Variants in ERBB4 observed in about 807,000 individuals in gnomAD.
ERBB4 encodes receptor tyrosine-protein kinase erbB-4.
In ERBB4, 42 loss-of-function variants were observed where a neutral mutation model predicts 158.0. The ratio of observed to expected loss-of-function variants is 0.27; its 90% CI spans 0.21 to 0.34. ERBB4 has a LOEUF of 0.34. ERBB4 is among the 10% of genes least tolerant of loss of function. The pLI is 1.00. For missense variants in ERBB4, 1,333 were observed against 1,624.1 expected (o/e 0.82, Z 3.08); for synonymous variants, 583 against 558.7 (o/e 1.04, Z -0.61).
At chr2:211,529,503 G>C (rs557406433) in intron 20 of ERBB4, among the ~76,000 whole-genome samples, 70 of 152,138 alleles carry the variant, frequency 4.6e-4, no homozygotes, top group South Asian at 2.1e-3. Flanking sequence ...CATTCTATGA[G>C]GCTAGTATTA....
chr2:212,438,966 A>G (rs2092195018), intron 1 of ERBB4, among the ~76,000 whole-genome samples: 1 of 152,272 alleles, frequency 6.6e-6, no homozygotes, highest in Admixed American at 6.6e-5. Flanking sequence ...AGCATACCAA[A>G]CCAGTGAGAC....
At chr2:212,218,571 AG>A (rs770993644) in intron 1 of ERBB4, among the ~76,000 whole-genome samples, 302 of 151,476 alleles carry the variant, frequency 2.0e-3, no homozygotes, top group Middle Eastern at 6.8e-3. Context: ...GTGAACCTGG[AG>A]CTAGTCAACC....
intron 2 of ERBB4, among the ~76,000 whole-genome samples, chr2:212,054,386 A>G (rs895086902): frequency 9.2e-5 from 14 of 152,204 alleles, no homozygotes; most frequent in African/African-American, 3.4e-4. Context: ...GACCATTTTA[A>G]GTTCTGTTTC....
intron 1 of ERBB4, among the ~76,000 whole-genome samples, chr2:212,425,392 AT>A (rs2091889475): frequency 6.8e-6 from 1 of 146,486 alleles, no homozygotes; most frequent in Non-Finnish European, 1.5e-5. Flanking sequence ...ACATATATGT[AT>A]ATGTATACAT....
intron 4 of ERBB4, among the ~76,000 whole-genome samples, chr2:211,763,101 C>A (rs940234639): frequency 6.6e-6 from 1 of 151,954 alleles, no homozygotes; most frequent in African/African-American, 2.4e-5. Context: ...TGGTCTGGTG[C>A]ACTGAAAGTA....
At chr2:212,315,329 G>A (rs541545993) in intron 1 of ERBB4, among the ~76,000 whole-genome samples, 34 of 151,440 alleles carry the variant, frequency 2.2e-4, no homozygotes, top group African/African-American at 7.7e-4. Context: ...AAAGACTGCA[G>A]CAATTCAAAA....
At chr2:212,443,137 T>C (rs2092286806) in intron 1 of ERBB4, among the ~76,000 whole-genome samples, 1 of 152,244 alleles carries the variant, frequency 6.6e-6, no homozygotes, top group Non-Finnish European at 1.5e-5. Context: ...CAATTTTCTT[T>C]CAGCTGGCAA....
chr2:211,409,948 C>T (rs533092953), intron 25 of ERBB4, among the ~76,000 whole-genome samples: 9 of 152,136 alleles, frequency 5.9e-5, no homozygotes, highest in African/African-American at 1.9e-4. Context: ...GCATCCACCT[C>T]GTACTACAAC....
chr2:211,783,119 C>T (rs1374274444), intron 4 of ERBB4, among the ~76,000 whole-genome samples: 4 of 152,124 alleles, frequency 2.6e-5, no homozygotes, highest in Admixed American at 2.6e-4. Flanking sequence ...GTATTTTATT[C>T]TCTTTGAAGC....
chr2:211,927,464 A>G (rs1486945395), intron 3 of ERBB4, among the ~76,000 whole-genome samples: 2 of 152,196 alleles, frequency 1.3e-5, no homozygotes, highest in Non-Finnish European at 2.9e-5. Context: ...ACTACCACCA[A>G]AGCAATGAAA....
intron 3 of ERBB4, among the ~76,000 whole-genome samples, chr2:211,910,444 G>A (rs564133024): frequency 1.3e-5 from 2 of 149,916 alleles, no homozygotes; most frequent in East Asian, 4.0e-4. Flanking sequence ...AGGAGCTGGA[G>A]GCCATTATCC....
chr2:211,869,426 A>G (rs1348525399), intron 3 of ERBB4, among the ~76,000 whole-genome samples: 1 of 152,182 alleles, frequency 6.6e-6, no homozygotes, highest in African/African-American at 2.4e-5. Flanking sequence ...GATATTTCCA[A>G]CCTTCCCAGT....
At chr2:212,441,757 A>C (rs2092259219) in intron 1 of ERBB4, among the ~76,000 whole-genome samples, 1 of 152,186 alleles carries the variant, frequency 6.6e-6, no homozygotes, top group Non-Finnish European at 1.5e-5. Context: ...AAGGTGGCCC[A>C]CTGTGAGTGA....
intron 1 of ERBB4, among the ~76,000 whole-genome samples, chr2:212,358,521 C>T (rs1390738993): frequency 6.6e-6 from 1 of 151,702 alleles, no homozygotes; most frequent in African/African-American, 2.4e-5. Context: ...TTGATTAAAT[C>T]ATCTTAAATG....
chr2:212,519,808 T>C (rs1414332070), intron 1 of ERBB4, among the ~76,000 whole-genome samples: 1 of 151,944 alleles, frequency 6.6e-6, no homozygotes, highest in Non-Finnish European at 1.5e-5. Context: ...GGTTAAAGAA[T>C]ACAAAATTAT....
chr2:211,550,947 C>CT (rs966232237), intron 20 of ERBB4, among the ~76,000 whole-genome samples: 56 of 151,036 alleles, frequency 3.7e-4, no homozygotes, highest in African/African-American at 1.0e-3. Flanking sequence ...CCCCGACCAC[C>CT]TTTTTTGTTG....
At chr2:211,729,679 T>C (rs957159408) in intron 5 of ERBB4, among the ~76,000 whole-genome samples, 3 of 151,936 alleles carry the variant, frequency 2.0e-5, no homozygotes, top group Non-Finnish European at 2.9e-5. Flanking sequence ...ATTATACTCA[T>C]ATTTTATTAC....
rs114622764 is a variant in ERBB4, at chr2:211,426,685, A to C, written c.2719+1723T>G. 6.9e-3 allele frequency among the ~76,000 whole-genome samples: 1,043 copies of C among 151,662 alleles called. 15 individuals are homozygous for C. Among genetic ancestry groups the C allele is most frequent in the African/African-American group, 0.024 (995 of 41,216 alleles). On this transcript the variant is annotated intron_variant, in intron 22 of 27. Transcript: ENST00000342788. ...CTTGAGCTAATTTAAATTTGCCTTC[A>C]GGAGACTGCCTATATATCTTGAGCT...
At chr2:211,868,499 C>T (rs2078263863) in intron 3 of ERBB4, among the ~76,000 whole-genome samples, 1 of 152,024 alleles carries the variant, frequency 6.6e-6, no homozygotes, top group Non-Finnish European at 1.5e-5. Flanking sequence ...AACTAGATGG[C>T]ATAGTGAAGA....
Sources: gnomAD v4.1 joint callset for allele counts (sites outside exome capture counted in the v4.1 genomes callset) on GRCh38, gnomAD v4.1.1 for gene constraint, MANE v1.5 for transcripts, NCBI Gene and HGNC (gene_info 2026-07-23, HGNC 2026-07-21) for gene names.